ST6GALNAC5: variants seen among roughly 807,000 people sequenced by gnomAD.
The protein encoded by ST6GALNAC5 is ST6 N-acetylgalactosaminide alpha-2,6-sialyltransferase 5.
ST6GALNAC5 carries 27 observed loss-of-function variants against 33.6 expected under a neutral mutation model. The ratio of observed to expected loss-of-function variants is 0.80; its 90% confidence interval spans 0.59 to 1.11. ST6GALNAC5 has a LOEUF of 1.11. ST6GALNAC5 is among the 50% of genes least tolerant of loss of function. The pLI, the probability that ST6GALNAC5 is intolerant of heterozygous loss-of-function variation, is 0.00. For missense variants in ST6GALNAC5, 428 were observed against 454.0 expected, an observed-to-expected ratio of 0.94 and a Z score of 0.52; for synonymous variants, 194 against 171.2, an observed-to-expected ratio of 1.13 and a Z score of -1.04.
intron 2 of ST6GALNAC5, among the ~76,000 whole-genome samples, chr1:76,936,258 T>A (rs896860211): frequency 6.6e-6 from 1 of 152,062 alleles, no homozygotes; most frequent in Non-Finnish European, 1.5e-5. Context: ...TTTACATTCA[T>A]TTGAAGCTCA....
chr1:76,938,390 C>T (rs1408812337), intron 2 of ST6GALNAC5, among the ~76,000 whole-genome samples: 4 of 151,960 alleles, frequency 2.6e-5, no homozygotes, highest in East Asian at 3.9e-4. Context: ...AACACTTAAA[C>T]GTATCATTTG....
intron 2 of ST6GALNAC5, among the ~76,000 whole-genome samples, chr1:76,869,907 G>A (rs1044009862): frequency 2.6e-5 from 4 of 152,122 alleles, no homozygotes; most frequent in Admixed American, 6.5e-5. Context: ...ATAAATGCTA[G>A]ATATGAACAG....
intron 2 of ST6GALNAC5, among the ~76,000 whole-genome samples, chr1:76,996,045 T>C (rs1570750010): frequency 6.6e-6 from 1 of 152,228 alleles, no homozygotes; most frequent in Non-Finnish European, 1.5e-5. Flanking sequence ...CAAAGAACTT[T>C]CACAAACATG....
intron 2 of ST6GALNAC5, among the ~76,000 whole-genome samples, chr1:76,884,533 G>A (rs1653850890): frequency 6.6e-6 from 1 of 152,114 alleles, no homozygotes; most frequent in Non-Finnish European, 1.5e-5. Context: ...AGGAAAAGGG[G>A]GCAAGCTTTA....
intron 4 of ST6GALNAC5, among the ~76,000 whole-genome samples, chr1:77,058,228 A>G (rs891618330): frequency 2.6e-5 from 4 of 152,242 alleles, no homozygotes; most frequent in African/African-American, 9.6e-5. Context: ...TTTTCTGTGC[A>G]TGAGTTTCCT....
At chr1:76,898,002 G>A (rs572094527) in intron 2 of ST6GALNAC5, among the ~76,000 whole-genome samples, 19 of 152,338 alleles carry the variant, frequency 1.2e-4, no homozygotes, top group African/African-American at 4.1e-4. Context: ...GATGGTCTAC[G>A]GGGCTTCCGA....
intron 2 of ST6GALNAC5, among the ~76,000 whole-genome samples, chr1:76,937,307 G>A (rs564213391): frequency 1.3e-5 from 2 of 152,050 alleles, no homozygotes; most frequent in African/African-American, 4.8e-5. Context: ...AAATCACACA[G>A]TAAAAATAAT....
At chr1:76,871,538 A>C (rs1653502818) in intron 2 of ST6GALNAC5, among the ~76,000 whole-genome samples, 1 of 152,132 alleles carries the variant, frequency 6.6e-6, no homozygotes, top group Non-Finnish European at 1.5e-5. Flanking sequence ...AATCCCCAGC[A>C]CCTGAATTTC....
chr1:76,916,394 T>G (rs952493732), intron 2 of ST6GALNAC5, among the ~76,000 whole-genome samples: 1 of 152,226 alleles, frequency 6.6e-6, no homozygotes, highest in African/African-American at 2.4e-5. Flanking sequence ...AGGAAAAAAA[T>G]TCTGTATGCC....
At chr1:76,901,068 A>G (rs1646812866) in intron 2 of ST6GALNAC5, among the ~76,000 whole-genome samples, 1 of 152,206 alleles carries the variant, frequency 6.6e-6, no homozygotes, top group African/African-American at 2.4e-5. Flanking sequence ...TTAGAACTTA[A>G]AGATTGAGAA....
chr1:77,006,489 GTT>G (rs1355308749), intron 2 of ST6GALNAC5, among the ~76,000 whole-genome samples: 1 of 151,610 alleles, frequency 6.6e-6, no homozygotes, highest in Non-Finnish European at 1.5e-5. Flanking sequence ...AATTTTTGTA[GTT>G]TTTTATTTTT....
chr1:76,868,429 C>G lies in ST6GALNAC5; in HGVS notation c.16-68C>G. 6.5e-7 allele frequency: 1 copy of G among 1,539,166 alleles called. No homozygotes were observed. Among genetic ancestry groups the G allele is most frequent in the South Asian group, 1.3e-5 (1 of 78,960 alleles). On this transcript the variant is annotated intron_variant, in intron 1 of 4. Transcript: ENST00000477717. This position sits in a 1 kb window ranked among gnomAD's most constrained non-coding sequence, Gnocchi z 4.3. ...TAGAGTGACCACCGCACAGTTGTCC[C>G]CGCTGGGCGCGCTCCTCCGGTGTCT...
intron 2 of ST6GALNAC5, among the ~76,000 whole-genome samples, chr1:76,907,160 A>G (rs1000081580): frequency 5.3e-5 from 8 of 152,126 alleles, no homozygotes; most frequent in Non-Finnish European, 1.2e-4. Context: ...CCTTCAAGCC[A>G]TCACCACGAG....
intron 2 of ST6GALNAC5, among the ~76,000 whole-genome samples, chr1:77,005,472 T>C (rs1435887319): frequency 2.0e-5 from 3 of 152,246 alleles, no homozygotes; most frequent in Non-Finnish European, 4.4e-5. Flanking sequence ...CGCTGGGAGC[T>C]GTAGACCGGA....
chr1:76,948,829 C>T (rs1647630279), intron 2 of ST6GALNAC5, among the ~76,000 whole-genome samples: 1 of 152,046 alleles, frequency 6.6e-6, no homozygotes. Context: ...TAAGCTTATC[C>T]TCATTTCTTA....
In ST6GALNAC5 at chr1:76,994,921, A is replaced by G. The variant is rs142778676; in HGVS notation, c.262-49283A>G. On this transcript the variant is annotated intron_variant, in intron 2 of 4. Transcript: ENST00000477717. ...CTTGTCTATCCGGGCTCAAACACCA[A>G]CCTCTTTCATGCACTTCCAGACTGA... 9.9e-4 allele frequency among the ~76,000 whole-genome samples: 150 copies of G among 152,154 alleles called. 1 individual carries two copies. Among genetic ancestry groups the G allele is most frequent in the African/African-American group, 3.6e-3 (149 of 41,524 alleles).
intron 2 of ST6GALNAC5, among the ~76,000 whole-genome samples, chr1:76,894,999 G>A (rs987083922): frequency 1.1e-4 from 17 of 152,110 alleles, no homozygotes; most frequent in African/African-American, 4.1e-4. Context: ...TCTCTGGCGG[G>A]CAGAGTGGGG....
chr1:76,987,650 C>T (rs1464014676), intron 2 of ST6GALNAC5, among the ~76,000 whole-genome samples: 1 of 152,090 alleles, frequency 6.6e-6, no homozygotes, highest in African/African-American at 2.4e-5. Flanking sequence ...ATGTTCATAG[C>T]AGCACCAGAC....
At chr1:76,883,188 A>G (rs1164443566) in intron 2 of ST6GALNAC5, among the ~76,000 whole-genome samples, 2 of 152,196 alleles carry the variant, frequency 1.3e-5, no homozygotes, top group African/African-American at 4.8e-5. Flanking sequence ...GGAGGAAATA[A>G]ATGTTATAAT....
Sources: allele counts gnomAD v4.1 joint callset (sites outside exome capture counted in the v4.1 genomes callset), GRCh38; gene constraint gnomAD v4.1.1; non-coding constraint Gnocchi (gnomAD v3.1); transcripts MANE v1.5; gene names NCBI Gene and HGNC (gene_info 2026-07-23, HGNC 2026-07-21).